DNAH6: variants seen among roughly 807,000 people sequenced by gnomAD.
DNAH6 encodes axonemal beta dynein heavy chain 6.
In DNAH6, 340 loss-of-function variants were observed where a neutral mutation model predicts 491.4. The ratio of observed to expected loss-of-function variants is 0.69; its 90% CI spans 0.63 to 0.76. DNAH6 has a LOEUF of 0.76. Ranked by LOEUF, DNAH6 falls within the 30% of genes least tolerant of loss-of-function variation. The pLI is 0.00. For synonymous variants in DNAH6, 1,603 were observed against 1,686.1 expected (o/e 0.95, Z 1.21); for missense variants, 4,443 against 4,972.2 (o/e 0.89, Z 3.20).
chr2:84,705,549 A>T lies in DNAH6; in HGVS notation c.8529A>T (p.Glu2843Asp). The change falls in exon 52 of 77, where the codon GAA becomes GAT. Residue 2843 changes from glutamate to aspartate, a missense_variant. Physicochemically the swap from Glu to Asp is conservative, Grantham distance 45. This residue lies in a region of DNAH6 where 1,463 missense variants were observed against 1,656.6 expected (regional missense o/e 0.88). Coordinates refer to ENST00000389394, the MANE Select transcript of DNAH6 (RefSeq NM_001370.2). ...GDSNFLKRLL[E>D]YDKENIKPQI... ...CTAACTTTCTAAAAAGGCTTTTAGA[A>T]TATGATAAGGAGAACATAAAGCCTC... 6.4e-7 allele frequency: 1 copy of T among 1,551,516 alleles called. No homozygotes were observed. The highest frequency in any genetic ancestry group is 8.7e-7 in the Non-Finnish European group (1 of 1,146,916).
At chr2:84,724,018 C>T (rs1698407157) in intron 60 of DNAH6, among the ~76,000 whole-genome samples, 2 of 152,174 alleles carry the variant, frequency 1.3e-5, no homozygotes, top group Admixed American at 1.3e-4. Flanking sequence ...TCAGCCCACC[C>T]GACCAAAGCC....
intron 56 of DNAH6, among the ~76,000 whole-genome samples, chr2:84,712,660 G>A (rs1206518971): frequency 3.9e-5 from 6 of 152,162 alleles, no homozygotes; most frequent in Non-Finnish European, 8.8e-5. Context: ...AAAGCCATTC[G>A]TAGTTCAAGA....
chr2:84,644,546 C>G (rs956182402), intron 33 of DNAH6, among the ~76,000 whole-genome samples: 7 of 152,056 alleles, frequency 4.6e-5, no homozygotes, highest in Non-Finnish European at 1.5e-5. Flanking sequence ...CCCAGGCATT[C>G]AGCCCAGCAT....
At chr2:84,784,955 C>G in intron 66 of DNAH6, 145 bp downstream of exon 66, 2 of 617,024 alleles carry the variant, frequency 3.2e-6, no homozygotes, top group East Asian at 5.7e-5. Context: ...ATCTTTTCAC[C>G]TATAACAAGC....
intron 3 of DNAH6, among the ~76,000 whole-genome samples, chr2:84,528,349 A>C (rs1175677282): frequency 1.3e-5 from 2 of 152,212 alleles, no homozygotes; most frequent in South Asian, 2.1e-4. Flanking sequence ...GCACTGGTCT[A>C]AAAAACAGCC....
intron 29 of DNAH6, among the ~76,000 whole-genome samples, chr2:84,630,086 G>A (rs10172664): frequency 0.14 from 21,013 of 152,054 alleles, 2,249 homozygotes; most frequent in African/African-American, 0.3. Context: ...AAAGAATTAA[G>A]TATTTATCCT....
At chr2:84,533,690 T>A (rs987660784) in intron 4 of DNAH6, among the ~76,000 whole-genome samples, 18 of 152,160 alleles carry the variant, frequency 1.2e-4, no homozygotes, top group Admixed American at 6.6e-5. Flanking sequence ...CAATCCAAAT[T>A]TAACCAAAGA....
chr2:84,689,733 G>T (rs1007338205), intron 45 of DNAH6, among the ~76,000 whole-genome samples: 4 of 152,190 alleles, frequency 2.6e-5, no homozygotes, highest in Non-Finnish European at 5.9e-5. Context: ...AGTAGGACCA[G>T]AGGCATTATT....
Position 84,781,536 on chromosome 2 carries a change from GA to G in DNAH6, c.10753del (p.Met3585TrpfsTer6). 6.4e-7 allele frequency: 1 copy of G among 1,551,560 alleles called. No homozygotes were observed. Among genetic ancestry groups the G allele is most frequent in the Non-Finnish European group, 8.7e-7 (1 of 1,146,876 alleles). Reference protein sequence around the residue: ...SLGQGQGPIAEKMVKDAMKSG... With the variant: ...SLGQGQGPIAXKMVKDAMKSG... ...GGGGCAAGGACAAGGACCTATTGCT[GA>G]AAAAATGGTCAAGGATGCAATGAAA... On this transcript the variant is annotated frameshift_variant, in exon 65 of 77. Transcript: ENST00000389394. LOFTEE classifies it high-confidence loss of function.
chr2:84,516,445 G>A (rs527381311), upstream of DNAH6: 38 of 152,360 alleles, frequency 2.5e-4, no homozygotes, highest in African/African-American at 8.2e-4. Flanking sequence ...GTGTTACTCA[G>A]TGGCGCAGTG....
At chr2:84,631,340 T>C (rs965835348) in intron 29 of DNAH6, among the ~76,000 whole-genome samples, 11 of 152,152 alleles carry the variant, frequency 7.2e-5, no homozygotes, top group African/African-American at 2.4e-5. Flanking sequence ...TCCTGTATAA[T>C]GTTATTATTA....
intron 60 of DNAH6, among the ~76,000 whole-genome samples, chr2:84,726,345 C>T (rs1294051357): frequency 6.6e-6 from 1 of 152,184 alleles, no homozygotes; most frequent in African/African-American, 2.4e-5. Context: ...ACACATGCCC[C>T]TCAGGGCCCT....
chr2:84,755,792 T>C (rs769360346), intron 63 of DNAH6, among the ~76,000 whole-genome samples: 7 of 152,316 alleles, frequency 4.6e-5, no homozygotes, highest in African/African-American at 1.4e-4. Context: ...CATGGATATC[T>C]TCTATGGTTT....
At position 84,624,300 on chromosome 2, in the gene DNAH6, T is replaced by C. The variant is rs79995344; in HGVS notation, c.4107T>C (p.Ser1369=). 1.3e-6 allele frequency: 2 copies of C among 1,550,944 alleles called. No individual in the cohort carries two copies. The highest frequency in any genetic ancestry group is 2.7e-5 in the African/African-American group (2 of 73,048). Residue 1369 remains serine (S), a synonymous_variant, in exon 27 of 77, where the codon AGT becomes AGC. Coordinates refer to ENST00000389394, the MANE Select transcript of DNAH6 (RefSeq NM_001370.2). ...LNALAAIVQG[S]LPKLHRNILT... is the part of the protein sequence containing the mutation. ...CCCTAGCTGCAATAGTTCAAGGCAG[T>C]CTTCCTAAATTACACAGAAACATCC... is the stretch of plus-strand genomic sequence containing the variant.
At chr2:84,687,626 G>T (rs1401649648) in intron 44 of DNAH6, among the ~76,000 whole-genome samples, 3 of 152,024 alleles carry the variant, frequency 2.0e-5, no homozygotes, top group Non-Finnish European at 4.4e-5. Context: ...TCACATGAGG[G>T]AATACACACA....
At chr2:84,594,122 TG>T (rs1331048616) in intron 17 of DNAH6, 37 bp downstream of exon 17, 4 of 1,098,858 alleles carry the variant, frequency 3.6e-6, no homozygotes, top group Non-Finnish European at 5.3e-6. Context: ...AAATTATTTT[TG>T]TATGAATTAA....
chr2:84,657,293 G>T (rs1691074064), intron 35 of DNAH6, among the ~76,000 whole-genome samples: 1 of 151,842 alleles, frequency 6.6e-6, no homozygotes, highest in Non-Finnish European at 1.5e-5. Flanking sequence ...CTTTTTTGTT[G>T]TGTTGGTTAT....
At chr2:84,619,990 G>A (rs747801076) in intron 24 of DNAH6, 86 bp downstream of exon 24, 26 of 1,168,032 alleles carry the variant, frequency 2.2e-5, no homozygotes, top group Non-Finnish European at 3.1e-5. Flanking sequence ...CAGGTACTCT[G>A]TTGGCTCAGC....
intron 18 of DNAH6, among the ~76,000 whole-genome samples, chr2:84,600,783 G>A (rs1685133830): frequency 6.6e-6 from 1 of 151,668 alleles, no homozygotes; most frequent in Non-Finnish European, 1.5e-5. Context: ...TAACTGTACA[G>A]TTACTACTGC....
Sources: gnomAD v4.1 joint callset for allele counts (sites outside exome capture counted in the v4.1 genomes callset) on GRCh38, gnomAD v4.1.1 for gene constraint, gnomAD v4.1.1 regional missense constraint, MANE v1.5 for transcripts, NCBI Gene and HGNC (gene_info 2026-07-23, HGNC 2026-07-21) for gene names.